Variants in DIS3L2 observed in about 807,000 individuals in gnomAD.
DIS3L2 encodes DIS3-like exonuclease 2.
A neutral mutation model predicts 97.5 loss-of-function variants in DIS3L2; 34 were observed. That is an observed-to-expected ratio of 0.35 (90% confidence interval 0.27 to 0.46). The LOEUF is 0.46. Among genes scored for constraint, DIS3L2 ranks in the 20% least tolerant of loss-of-function variants. The probability of loss-of-function intolerance (pLI) is 1.00; values close to 1 mark genes in which losing one functional copy is unlikely to be tolerated. For missense variants in DIS3L2, 1,038 were observed against 1,146.0 expected, an observed-to-expected ratio of 0.91 and a Z score of 1.36; for synonymous variants, 435 against 445.2, an observed-to-expected ratio of 0.98 and a Z score of 0.29.
chr2:232,321,966 C>T (rs1211617886), intron 14 of DIS3L2, among the ~76,000 whole-genome samples: 11 of 152,190 alleles, frequency 7.2e-5, no homozygotes, highest in Non-Finnish European at 1.5e-4. Flanking sequence ...GGGGCTTGGC[C>T]GGGCAGGTGG....
At chr2:232,209,495 G>A (rs3116201) in intron 9 of DIS3L2, among the ~76,000 whole-genome samples, 11,392 of 152,282 alleles carry the variant, frequency 0.075, 489 homozygotes, top group Middle Eastern at 0.15. Context: ...GTACTGGATG[G>A]AGTGGAGGAA....
chr2:232,336,405 G>A, intron 20 of DIS3L2, 64 bp from the exon 21 acceptor site: 2 of 1,559,054 alleles, frequency 1.3e-6, no homozygotes, highest in Non-Finnish European at 1.7e-6. Flanking sequence ...AGGGATGGAG[G>A]CAGAGCTGCG....
chr2:232,081,102 A>ATGT (rs1464890065), intron 5 of DIS3L2, among the ~76,000 whole-genome samples: 9 of 152,280 alleles, frequency 5.9e-5, no homozygotes, highest in Non-Finnish European at 1.3e-4. Context: ...GTGCATGGTA[A>ATGT]TGTTGTTTAA....
chr2:231,966,312 G>C (rs1330307896), intron 1 of DIS3L2, among the ~76,000 whole-genome samples: 2 of 151,930 alleles, frequency 1.3e-5, no homozygotes, highest in Non-Finnish European at 2.9e-5. Flanking sequence ...GGGACTACAA[G>C]CTCACGCCAC....
chr2:232,255,268 T>C (rs149869695), intron 12 of DIS3L2, among the ~76,000 whole-genome samples: 2 of 152,352 alleles, frequency 1.3e-5, no homozygotes, highest in Non-Finnish European at 2.9e-5. Flanking sequence ...TGGTTTTGCA[T>C]GCAGTGGTGA....
Position 232,336,858 on chromosome 2 carries a change from C to A in DIS3L2, c.*228C>A. On this transcript the variant is annotated 3_prime_UTR_variant, in exon 21 of 21. Coordinates refer to ENST00000325385, the MANE Select transcript of DIS3L2 (RefSeq NM_152383.5). Reference sequence around the variant, plus strand: ...CAGCAGTGACCCCAGCAGAGCAGGCCCCAGTCCTCCTGGGAGGCTGGCCCC... The same window carrying A: ...CAGCAGTGACCCCAGCAGAGCAGGCACCAGTCCTCCTGGGAGGCTGGCCCC... 7.3e-7 allele frequency: 1 copy of A among 1,367,052 alleles called. No individual in the cohort carries two copies. The highest frequency in any genetic ancestry group is 2.8e-4 in the Middle Eastern group (1 of 3,628). The allele number at this position is 1,367,052 out of a possible 1,614,324, so 84.7% of individuals were successfully genotyped here.
intron 1 of DIS3L2, among the ~76,000 whole-genome samples, chr2:231,963,404 G>A (rs1692622901): frequency 1.3e-5 from 2 of 152,088 alleles, no homozygotes. Context: ...TTTCTTCTGA[G>A]AAGTGTTCAT....
intron 13 of DIS3L2, chr2:232,342,995 G>C (rs1160489157): frequency 5.2e-6 from 1 of 193,864 alleles, no homozygotes; most frequent in East Asian, 1.3e-4. Flanking sequence ...GTCAGAGTGG[G>C]GGGGCTGGGA....
intron 13 of DIS3L2, among the ~76,000 whole-genome samples, chr2:232,342,244 T>C (rs532422846): frequency 2.1e-5 from 3 of 143,102 alleles, no homozygotes; most frequent in African/African-American, 8.6e-5. Flanking sequence ...CACATACACA[T>C]ATATACACAT....
At chr2:232,097,094 T>C (rs1286967698) in intron 6 of DIS3L2, among the ~76,000 whole-genome samples, 1 of 152,190 alleles carries the variant, frequency 6.6e-6, no homozygotes, top group Middle Eastern at 3.2e-3. Context: ...AAAGGATTTG[T>C]GTATTGTAAT....
At chr2:232,155,401 C>A (rs561262523) in intron 8 of DIS3L2, among the ~76,000 whole-genome samples, 1 of 152,204 alleles carries the variant, frequency 6.6e-6, no homozygotes, top group Non-Finnish European at 1.5e-5. Flanking sequence ...ATTTCTCCAT[C>A]TCTTGGTACA....
intron 14 of DIS3L2, chr2:232,307,714 C>T (rs980454694): frequency 6.6e-6 from 1 of 152,074 alleles, no homozygotes; most frequent in Non-Finnish European, 1.5e-5. Flanking sequence ...AGGGGCTTAC[C>T]CAGGTTAGTT....
intron 13 of DIS3L2, among the ~76,000 whole-genome samples, chr2:232,265,483 A>G (rs1693830737): frequency 6.6e-6 from 1 of 152,228 alleles, no homozygotes; most frequent in South Asian, 2.1e-4. Context: ...AAACGCAGTG[A>G]TCAGTGATGC....
At chr2:232,072,621 C>T (rs1042358856) in intron 5 of DIS3L2, among the ~76,000 whole-genome samples, 2 of 152,062 alleles carry the variant, frequency 1.3e-5, no homozygotes, top group African/African-American at 4.8e-5. Context: ...TTCATAGGCT[C>T]ACTCTGTTAT....
chr2:232,183,672 G>A (rs559175541), intron 9 of DIS3L2, among the ~76,000 whole-genome samples: 14 of 152,180 alleles, frequency 9.2e-5, no homozygotes, highest in Non-Finnish European at 2.1e-4. Flanking sequence ...GTCAGTTCTT[G>A]TTGACCAGTA....
chr2:232,325,021 C>A lies in DIS3L2; in HGVS notation c.1740-4792C>A, dbSNP rs1246374556. On this transcript the variant is annotated intron_variant, in intron 14 of 20. Transcript: ENST00000325385. This position sits in a 1 kb window ranked among gnomAD's most constrained non-coding sequence, Gnocchi z 4.6. ...CCTGACTATCAAAACCCAGCCCCAG[C>A]CTTTCAGCTGAGCAGAGAAATACTC... 6.6e-6 allele frequency among the ~76,000 whole-genome samples: 1 copy of A among 152,242 alleles called. No homozygotes were observed. Among genetic ancestry groups the A allele is most frequent in the Non-Finnish European group, 1.5e-5 (1 of 68,048 alleles).
chr2:231,966,358 C>T (rs947310958), intron 1 of DIS3L2, among the ~76,000 whole-genome samples: 8 of 151,864 alleles, frequency 5.3e-5, no homozygotes, highest in African/African-American at 9.7e-5. Context: ...TAAGTAGAGA[C>T]GGGGTTTCAC....
chr2:232,185,046 A>C (rs35474907), intron 9 of DIS3L2, among the ~76,000 whole-genome samples: 17,525 of 152,226 alleles, frequency 0.12, 1,282 homozygotes, highest in African/African-American at 0.21. Flanking sequence ...ATTTACTTAA[A>C]TATGACTCTG....
chr2:232,125,015 C>G (rs935624622), intron 6 of DIS3L2, among the ~76,000 whole-genome samples: 13 of 152,172 alleles, frequency 8.5e-5, no homozygotes, highest in African/African-American at 1.2e-4. Context: ...GGTCTGGTCC[C>G]TACACCTCAT....
Sources: gnomAD v4.1 joint callset for allele counts (sites outside exome capture counted in the v4.1 genomes callset) on GRCh38, gnomAD v4.1.1 for gene constraint, Gnocchi (gnomAD v3.1) non-coding constraint, MANE v1.5 for transcripts, NCBI Gene and HGNC (gene_info 2026-07-23, HGNC 2026-07-21) for gene names.